The following POGLUT1 variants were observed in gnomAD, a reference collection of about 807,000 sequenced individuals.
POGLUT1 encodes protein O-glucosyltransferase 1, also known as 9630046K23Rik.
Under a neutral mutation model 61.3 loss-of-function variants are expected in POGLUT1, and 32 were observed. That is an observed-to-expected ratio of 0.52 (90% CI 0.39 to 0.70). The LOEUF (loss-of-function observed/expected upper bound fraction) is 0.70. POGLUT1 is among the 30% of genes least tolerant of loss of function. The pLI is 0.00. For synonymous variants in POGLUT1, 158 were observed against 158.2 expected, an observed-to-expected ratio of 1.00 and a Z score of 0.01; for missense variants, 411 against 469.8, an observed-to-expected ratio of 0.87 and a Z score of 1.16.
intron 3 of POGLUT1, among the ~76,000 whole-genome samples, chr3:119,472,725 T>TAAAA (rs1473712012): frequency 3.3e-5 from 5 of 151,610 alleles, no homozygotes; most frequent in African/African-American, 1.2e-4. Flanking sequence ...AATAAATAAA[T>TAAAA]AAATAAATGT....
chr3:119,487,536 G>A (rs1490270366), intron 7 of POGLUT1, among the ~76,000 whole-genome samples: 4 of 152,050 alleles, frequency 2.6e-5, no homozygotes, highest in South Asian at 2.1e-4. Context: ...GCAGTGAGCC[G>A]AGATCACGCC....
chr3:119,485,216 CAA>C (rs11382133), intron 5 of POGLUT1, 110 bp from the exon 6 acceptor site: 1,992 of 582,696 alleles, frequency 3.4e-3, no homozygotes, highest in East Asian at 5.8e-3. Context: ...GACTCCGTCT[CAA>C]AAAAAAAAAA....
At position 119,477,456 on chromosome 3, in the gene POGLUT1, C is replaced by G; in HGVS notation, c.456+8C>G. 1 of 1,613,130 alleles carries G rather than the reference C, an allele frequency of 6.2e-7. No homozygotes were observed. ...GTCTTCTCCTTCAGTAAGGTAAGTA[C>G]AGGGAGAGCCACATGGGTGGATGGA... On this transcript the variant is annotated splice_region_variant and intron_variant, in intron 4 of 10. Transcript: ENST00000295588.
At chr3:119,469,729 G>T in intron 1 of POGLUT1, 91 bp from the exon 2 acceptor site, 1 of 687,862 alleles carries the variant, frequency 1.5e-6, no homozygotes, top group South Asian at 1.7e-5. Flanking sequence ...ATTTCTGAAA[G>T]TTTTGGTCTT....
intron 9 of POGLUT1, 36 bp downstream of exon 9, chr3:119,490,754 A>T: frequency 6.3e-7 from 1 of 1,580,822 alleles, no homozygotes; most frequent in Non-Finnish European, 8.7e-7. Context: ...GTTTCTAAAG[A>T]CCCTTCCAAT....
At chr3:119,469,332 G>A in intron 1 of POGLUT1, 2 of 587,226 alleles carry the variant, frequency 3.4e-6, no homozygotes, top group Admixed American at 3.1e-5. Context: ...AGAATGACAG[G>A]GAGGAGAGGG....
intron 5 of POGLUT1, among the ~76,000 whole-genome samples, chr3:119,483,746 T>G (rs2081632854): frequency 6.6e-6 from 1 of 152,216 alleles, no homozygotes. Flanking sequence ...ACTGTAGGAT[T>G]GTTCAGCAGC....
chr3:119,486,961 C>T (rs753931168), intron 7 of POGLUT1, 29 bp downstream of exon 7: 5 of 1,342,104 alleles, frequency 3.7e-6, no homozygotes, highest in African/African-American at 2.9e-5. Context: ...ACTAGAACTA[C>T]AGCAGTGAAC....
intron 5 of POGLUT1, 35 bp from the exon 6 acceptor site, chr3:119,485,293 G>T: frequency 7.7e-7 from 1 of 1,296,500 alleles, no homozygotes; most frequent in Non-Finnish European, 1.1e-6. Context: ...AGTTGAAAAA[G>T]ATATATTGAA....
rs903048420 is a variant in POGLUT1, at chr3:119,493,551, C to T, written c.*1113C>T. 1 of 152,130 alleles carries T rather than the reference C, an allele frequency of 6.6e-6. No individual in the cohort carries two copies. The highest frequency in any genetic ancestry group is 1.5e-5 in the Non-Finnish European group (1 of 68,014). 9.4% of individuals were successfully genotyped at this position (152,130 alleles called of 1,614,324 possible). A position where few individuals can be genotyped will look rare whatever the true frequency, so the allele number is the denominator to read the frequency against. ...TCTGATGACTTAGAACCATCCTTGA[C>T]CCTTAGGCCCAACCTTTCCACAGAG... On this transcript the variant is annotated 3_prime_UTR_variant, in exon 11 of 11. Coordinates refer to ENST00000295588, the MANE Select transcript of POGLUT1 (RefSeq NM_152305.3).
intron 3 of POGLUT1, among the ~76,000 whole-genome samples, chr3:119,476,195 G>C (rs2081535952): frequency 6.6e-6 from 1 of 152,064 alleles, no homozygotes; most frequent in African/African-American, 2.4e-5. Flanking sequence ...AGAAATCTTG[G>C]TAAATAGAAT....
Position 119,492,554 on chromosome 3 carries a change from C to T in POGLUT1, c.*116C>T. On this transcript the variant is annotated 3_prime_UTR_variant, in exon 11 of 11. Transcript: ENST00000295588. ...TGAATATCTGCTATCAAGCCAAATA[C>T]CTGGTTTTCCTTATCATGCTGCACC... 1.7e-6 allele frequency: 1 copy of T among 575,108 alleles called. No individual in the cohort carries two copies. The highest frequency in any genetic ancestry group is 2.9e-6 in the Non-Finnish European group (1 of 341,926). 35.6% of individuals were successfully genotyped at this position (575,108 alleles called of 1,614,324 possible).
Position 119,486,895 on chromosome 3 carries a change from C to T in POGLUT1, c.701C>T (p.Ala234Val), listed in dbSNP as rs2081671094. The change falls in exon 7 of 11, where the codon GCA (alanine) becomes GTA (valine). Residue 234 changes from alanine to valine, a missense_variant. Physicochemically the swap from Ala to Val is moderately conservative, Grantham distance 64. Transcript: ENST00000295588. ...CGGAAAAACCCAAAACTTGTTGATG[C>T]AGAATACACCAAAAACCAGGCCTGG... Reference protein sequence around the residue: ...LSRKNPKLVDAEYTKNQAWKS... With the variant: ...LSRKNPKLVDVEYTKNQAWKS... 6.2e-7 allele frequency: 1 copy of T among 1,613,172 alleles called. No homozygotes were observed. Among genetic ancestry groups the T allele is most frequent in the Non-Finnish European group, 8.5e-7 (1 of 1,179,176 alleles).
chr3:119,469,236 A>G, intron 1 of POGLUT1, 130 bp downstream of exon 1: 1 of 720,212 alleles, frequency 1.4e-6, no homozygotes. Flanking sequence ...GGCAGAAGGC[A>G]CCGGGGCGCC....
At chr3:119,478,532 G>A (rs2081567989) in intron 4 of POGLUT1, 1 of 411,982 alleles carries the variant, frequency 2.4e-6, no homozygotes, top group East Asian at 7.2e-5. Context: ...GGATAATAAA[G>A]TATGACCGTC....
chr3:119,478,201 T>G (rs1288904665), intron 4 of POGLUT1: 1 of 371,736 alleles, frequency 2.7e-6, no homozygotes, highest in Non-Finnish European at 5.3e-6. Context: ...TGGAAGATTC[T>G]ATGGGGTAAG....
chr3:119,471,375 C>T lies in POGLUT1; in HGVS notation c.243C>T (p.Val81=), dbSNP rs1374830598. The part of the protein sequence containing the change: ...GISRKMMAEV[V]RRKLGTHYQI... ...CCAGGAAGATGATGGCAGAGGTAGT[C>T]AGACGGAAGCTAGGGACCCACTATC... Residue 81 remains valine, a synonymous_variant, in exon 3 of 11, where the codon GTC becomes GTT. Coordinates refer to ENST00000295588, the MANE Select transcript of POGLUT1 (RefSeq NM_152305.3). The T allele has an allele frequency of 6.2e-7, 1 of 1,613,678 alleles. No individual in the cohort carries two copies. Among genetic ancestry groups the T allele is most frequent in the Non-Finnish European group, 8.5e-7 (1 of 1,179,708 alleles).
intron 3 of POGLUT1, among the ~76,000 whole-genome samples, chr3:119,475,024 A>G (rs1342187122): frequency 1.3e-5 from 2 of 152,006 alleles, no homozygotes; most frequent in Non-Finnish European, 2.9e-5. Context: ...ATATTTTACC[A>G]TGCTAAAATA....
At chr3:119,489,708 A>G (rs2081717637) in intron 8 of POGLUT1, 1 of 151,838 alleles carries the variant, frequency 6.6e-6, no homozygotes, top group African/African-American at 2.4e-5. Flanking sequence ...GGGGTCCCCA[A>G]CCCCCTGCCA....
Sources: gnomAD v4.1 joint callset for allele counts (sites outside exome capture counted in the v4.1 genomes callset) on GRCh38, gnomAD v4.1.1 for gene constraint, MANE v1.5 for transcripts, NCBI Gene and HGNC (gene_info 2026-07-23, HGNC 2026-07-21) for gene names.